WDR93: variants seen among roughly 807,000 people sequenced by gnomAD.
WDR93 encodes WD repeat-containing protein 93.
A neutral mutation model predicts 82.9 loss-of-function variants in WDR93; 73 were observed. The observed-to-expected ratio is 0.88, with a 90% CI of 0.73 to 1.07. The LOEUF is 1.07. WDR93 is among the 50% of genes least tolerant of loss of function. The pLI is 0.00. For missense variants in WDR93, 738 were observed against 826.0 expected (o/e 0.89, Z 1.31); for synonymous variants, 283 against 300.1 (o/e 0.94, Z 0.59).
At chr15:89,718,402 A>C (rs774403684) in intron 7 of WDR93, among the ~76,000 whole-genome samples, 2 of 149,914 alleles carry the variant, frequency 1.3e-5, no homozygotes, top group Non-Finnish European at 3.0e-5. Context: ...TGAACCCGGG[A>C]GGCGGAGGTT....
At chr15:89,702,920 G>T in intron 2 of WDR93, 30 bp from the exon 3 acceptor site, 1 of 1,608,054 alleles carries the variant, frequency 6.2e-7, no homozygotes, top group Non-Finnish European at 8.5e-7. Context: ...AGTGACAACT[G>T]AAAATAATAT....
chr15:89,698,566 G>A (rs899846966), intron 1 of WDR93, among the ~76,000 whole-genome samples: 5 of 151,682 alleles, frequency 3.3e-5, no homozygotes, highest in Admixed American at 1.3e-4. Flanking sequence ...TATTGCTTTT[G>A]TTGGCTGGAA....
At chr15:89,697,715 A>C (rs905000140) in intron 1 of WDR93, among the ~76,000 whole-genome samples, 2 of 152,056 alleles carry the variant, frequency 1.3e-5, no homozygotes, top group African/African-American at 4.8e-5. Flanking sequence ...TGTGTTCTAT[A>C]ATTTATTGAG....
chr15:89,727,043 G>A (rs902251384), intron 8 of WDR93, 114 bp from the exon 9 acceptor site: 4 of 1,232,524 alleles, frequency 3.2e-6, no homozygotes, highest in Middle Eastern at 1.9e-4. Context: ...AGCAAGAATC[G>A]ATTTCTGAGG....
intron 8 of WDR93, among the ~76,000 whole-genome samples, chr15:89,726,393 A>G (rs1453333411): frequency 6.6e-6 from 1 of 152,192 alleles, no homozygotes; most frequent in Non-Finnish European, 1.5e-5. Context: ...TCGTCCTTTG[A>G]GAGCTAGTGT....
chr15:89,717,854 G>C (rs1018508828), intron 7 of WDR93, among the ~76,000 whole-genome samples: 1 of 152,142 alleles, frequency 6.6e-6, no homozygotes, highest in African/African-American at 2.4e-5. Flanking sequence ...TAACTTGGGG[G>C]TTTTGTGTTT....
chr15:89,715,904 T>C (rs573683056), intron 6 of WDR93, among the ~76,000 whole-genome samples: 3 of 152,312 alleles, frequency 2.0e-5, no homozygotes, highest in East Asian at 1.9e-4. Flanking sequence ...TTTTAAGATA[T>C]AGTTGCTCAG....
At chr15:89,711,107 C>T (rs1438298929) in intron 4 of WDR93, among the ~76,000 whole-genome samples, 3 of 152,122 alleles carry the variant, frequency 2.0e-5, no homozygotes, top group Non-Finnish European at 4.4e-5. Context: ...AGACAACCAG[C>T]TATTATGAGC....
In WDR93 at chr15:89,737,052, A is replaced by C. The variant is rs560839801; in HGVS notation, c.1609-521A>C. Among the ~76,000 whole-genome samples the C allele has an allele frequency of 1.4e-3, 208 of 152,272 alleles. 1 individual carries two copies. Among genetic ancestry groups the C allele is most frequent in the Admixed American group, 2.6e-3 (40 of 15,294 alleles). On this transcript the variant is annotated intron_variant, in intron 14 of 16. Coordinates refer to ENST00000268130, the MANE Select transcript of WDR93 (RefSeq NM_020212.2). ...GTGATCCGCCCACCTTGGCCTCCCA[A>C]AGTGCTGGGATTACAGGCATGAGCC...
In WDR93 at chr15:89,743,538, G is replaced by T. The variant is rs921100994; in HGVS notation, c.*147G>T. The T allele has an allele frequency of 4.3e-6, 3 of 700,648 alleles. No homozygotes were observed. The highest frequency in any genetic ancestry group is 5.4e-5 in the East Asian group (2 of 36,848). 43.4% of individuals were successfully genotyped at this position (700,648 alleles called of 1,614,324 possible). A position where few individuals can be genotyped will look rare whatever the true frequency, so the allele number is the denominator to read the frequency against. On this transcript the variant is annotated 3_prime_UTR_variant, in exon 17 of 17. Transcript: ENST00000268130. ...TGGGGCCTCTGCAGAGCCAGCAAGG[G>T]GAAAAGTATAATCTGGGGGACCTTC...
chr15:89,723,442 A>G (rs904790450), intron 8 of WDR93, among the ~76,000 whole-genome samples: 2 of 152,138 alleles, frequency 1.3e-5, no homozygotes, highest in African/African-American at 2.4e-5. Context: ...CCCTGGTTCA[A>G]AATCAAGAAC....
chr15:89,696,013 T>C (rs1398583572), intron 1 of WDR93, among the ~76,000 whole-genome samples: 1 of 151,888 alleles, frequency 6.6e-6, no homozygotes, highest in Non-Finnish European at 1.5e-5. Flanking sequence ...GGTGGGGTTT[T>C]GCCATGTTGC....
Position 89,727,227 on chromosome 15 carries a change from G to C in WDR93, c.951G>C (p.Gln317His). ...IKDCYGLGSG[Q>H]NHFIKDSQWE... The stretch of plus-strand genomic sequence containing the variant: ...ACTGCTACGGACTGGGCTCCGGGCA[G>C]AATCATTTCATCAAGGACAGTCAGT... Residue 317 changes from glutamine to histidine, a missense_variant, in exon 9 of 17, where the codon CAG becomes CAC. Coordinates refer to ENST00000268130, the MANE Select transcript of WDR93 (RefSeq NM_020212.2). The C allele has an allele frequency of 6.2e-7, 1 of 1,614,192 alleles. No homozygotes were observed. The highest frequency in any genetic ancestry group is 8.5e-7 in the Non-Finnish European group (1 of 1,180,020).
chr15:89,706,960 A>T (rs1020924590), intron 4 of WDR93, among the ~76,000 whole-genome samples: 1 of 152,210 alleles, frequency 6.6e-6, no homozygotes, highest in Non-Finnish European at 1.5e-5. Context: ...TATCTAAATT[A>T]AAAACTTCTG....
At chr15:89,722,197 T>C in intron 8 of WDR93, 58 bp downstream of exon 8, 1 of 1,277,920 alleles carries the variant, frequency 7.8e-7, no homozygotes, top group East Asian at 2.4e-5. Context: ...CTTTCTTCCT[T>C]TCCCCATGTC....
At chr15:89,694,547 T>C (rs997506144) in intron 1 of WDR93, among the ~76,000 whole-genome samples, 3 of 152,168 alleles carry the variant, frequency 2.0e-5, no homozygotes, top group Non-Finnish European at 4.4e-5. Context: ...GTTACTTCTT[T>C]TATTACTGAG....
chr15:89,690,541 C>G (rs1964813783), upstream of WDR93: 2 of 1,518,374 alleles, frequency 1.3e-6, no homozygotes, highest in South Asian at 1.2e-5. Context: ...CGAGTTAGGG[C>G]GAGAAAGGGG....
Position 89,735,495 on chromosome 15 carries a change from T to C in WDR93, c.1550T>C (p.Val517Ala), listed in dbSNP as rs1362373271. 2 of 1,614,052 alleles carry C rather than the reference T, an allele frequency of 1.2e-6. No individual in the cohort carries two copies. Among genetic ancestry groups the C allele is most frequent in the African/African-American group, 2.7e-5 (2 of 74,928 alleles). ...PTISVLVERP[V>A]KHLDKTICAV... ...GTATATTTTCTGTCCTATAGGCCTG[T>C]AAAGCACCTGGATAAAACCATCTGT... Residue 517 changes from valine (V) to alanine (A), a missense_variant, in exon 14 of 17, where the codon GTA becomes GCA. Coordinates refer to ENST00000268130, the MANE Select transcript of WDR93 (RefSeq NM_020212.2).
In WDR93 at chr15:89,702,977, G is replaced by A; in HGVS notation, c.331G>A (p.Val111Ile). 1 of 1,614,112 alleles carries A rather than the reference G, an allele frequency of 6.2e-7. No homozygotes were observed. The highest frequency in any genetic ancestry group is 1.1e-5 in the South Asian group (1 of 91,058). Residue 111 changes from valine to isoleucine, a missense_variant, in exon 3 of 17, where the codon GTT becomes ATT. Physicochemically the swap from Val to Ile is conservative, Grantham distance 29. Coordinates refer to ENST00000268130, the MANE Select transcript of WDR93 (RefSeq NM_020212.2). Reference protein sequence around the residue: ...QLNKMPNCMAVSQDYVFIGGA... With the variant: ...QLNKMPNCMAISQDYVFIGGA... ...CAACAAAATGCCAAATTGTATGGCT[G>A]TTTCCCAAGACTATGTGTTTATTGG...
Sources: gnomAD v4.1 joint callset for allele counts (sites outside exome capture counted in the v4.1 genomes callset) on GRCh38, gnomAD v4.1.1 for gene constraint, MANE v1.5 for transcripts, NCBI Gene and HGNC (gene_info 2026-07-23, HGNC 2026-07-21) for gene names.